Variants in AMPD3 observed in about 807,000 individuals in gnomAD.
The protein encoded by AMPD3 is adenosine monophosphate deaminase 3, also known as AMP deaminase 3.
AMPD3 carries 57 observed loss-of-function variants against 82.3 expected under a neutral mutation model. The ratio of observed to expected loss-of-function variants is 0.69; its 90% confidence interval spans 0.56 to 0.86. The LOEUF (loss-of-function observed/expected upper bound fraction) is 0.86, where lower values mean the gene tolerates loss of function less well. Among genes scored for constraint, AMPD3 ranks in the 40% least tolerant of loss-of-function variants. AMPD3 has a pLI of 0.00. For synonymous variants in AMPD3, 381 were observed against 394.7 expected (o/e 0.97, Z 0.41); for missense variants, 870 against 1,003.8 (o/e 0.87, Z 1.80).
At chr11:10,486,434 A>G (rs11042846) in intron 5 of AMPD3, among the ~76,000 whole-genome samples, 43,388 of 152,074 alleles carry the variant, frequency 0.29, 6,466 homozygotes, top group South Asian at 0.43. Context: ...CTAGGCACCT[A>G]GGCTGTGTGT....
intron 11 of AMPD3, 86 bp from the exon 12 acceptor site, chr11:10,501,384 G>A (rs1255697234): frequency 3.8e-5 from 59 of 1,570,488 alleles, no homozygotes; most frequent in Admixed American, 8.8e-5. Context: ...CATTCCCCCC[G>A]GAGCTGGCCC....
chr11:10,486,452 C>T, intron 5 of AMPD3: 1 of 583,254 alleles, frequency 1.7e-6, no homozygotes, highest in Non-Finnish European at 2.2e-6. Flanking sequence ...TGTGGGCTGG[C>T]AGTTGGCCAC....
chr11:10,503,891 T>C (rs530427510), intron 13 of AMPD3: 1 of 922,134 alleles, frequency 1.1e-6, no homozygotes, highest in Non-Finnish European at 1.3e-6. Flanking sequence ...CCCTCAGGGG[T>C]CCTTGACCTG....
intron 6 of AMPD3, among the ~76,000 whole-genome samples, chr11:10,489,577 G>A (rs1849180354): frequency 6.6e-6 from 1 of 152,160 alleles, no homozygotes; most frequent in Non-Finnish European, 1.5e-5. Context: ...TGACCCAGTG[G>A]CCTGTTCTTA....
intron 11 of AMPD3, chr11:10,500,458 C>T: frequency 7.1e-6 from 4 of 564,134 alleles, no homozygotes; most frequent in Non-Finnish European, 6.7e-6. Flanking sequence ...CACATGCAAA[C>T]ATGCCCACCA....
chr11:10,486,854 G>A, intron 5 of AMPD3: 1 of 985,428 alleles, frequency 1.0e-6, no homozygotes, highest in Non-Finnish European at 1.2e-6. Context: ...CATCCACTCT[G>A]CTTGGACTCA....
chr11:10,488,114 C>T (rs952957544), intron 6 of AMPD3: 9 of 669,012 alleles, frequency 1.3e-5, no homozygotes, highest in East Asian at 2.7e-4. Flanking sequence ...ATCTCTGCCT[C>T]TCTTCTCCCA....
At chr11:10,475,780 G>A (rs1047636605) in intron 2 of AMPD3, among the ~76,000 whole-genome samples, 9 of 152,174 alleles carry the variant, frequency 5.9e-5, no homozygotes, top group Admixed American at 3.9e-4. Context: ...GATGAAGGGG[G>A]CTATGTGCAG....
chr11:10,487,289 T>C lies in AMPD3; in HGVS notation c.864T>C (p.His288=), dbSNP rs773902374. 36 of 1,592,792 alleles carry C rather than the reference T, an allele frequency of 2.3e-5. No individual in the cohort carries two copies. In the South Asian group the frequency reaches 3.6e-4, roughly 16 times the overall value. The change falls in exon 6 of 15, where the codon CAT becomes CAC. Residue 288 remains histidine (H), a synonymous_variant. Transcript: ENST00000396553. ...TTCTGGAATCCAAGTTCAGCCTTCA[T>C]GAGATGTTAAACGAAATGTCCGAGT... ...LNFLESKFSL[H]EMLNEMSEFK... is the part of the protein sequence containing the mutation.
upstream of AMPD3, among the ~76,000 whole-genome samples, chr11:10,453,665 T>C (rs1848015813): frequency 6.6e-6 from 1 of 152,074 alleles, no homozygotes; most frequent in South Asian, 2.1e-4. Context: ...GTCAGCTCAC[T>C]GCAACTTCTG....
intron 5 of AMPD3, 169 bp from the exon 6 acceptor site, chr11:10,487,066 A>G (rs1163376515): frequency 1.0e-6 from 1 of 966,138 alleles, no homozygotes; most frequent in Non-Finnish European, 1.2e-6. Flanking sequence ...GAGTCTGTGG[A>G]TATGACTCAA....
intron 11 of AMPD3, chr11:10,500,798 A>G (rs1849557941): frequency 1.0e-6 from 1 of 985,292 alleles, no homozygotes; most frequent in Admixed American, 6.1e-5. Context: ...ACCAATACGC[A>G]CACAGACGAG....
chr11:10,465,643 G>C (rs1250792294), intron 2 of AMPD3, among the ~76,000 whole-genome samples: 1 of 152,176 alleles, frequency 6.6e-6, no homozygotes, highest in African/African-American at 2.4e-5. Context: ...CCCAAGGGAA[G>C]CCTTGAGGGA....
chr11:10,481,765 G>A, intron 3 of AMPD3: 1 of 444,032 alleles, frequency 2.3e-6, no homozygotes, highest in Non-Finnish European at 4.2e-6. Flanking sequence ...TGTTTACCAG[G>A]GAAGCTCATT....
Position 10,482,066 on chromosome 11 carries a change from A to C in AMPD3, c.430A>C (p.Thr144Pro). ...TISGDYCAGI[T>P]LEDYEQAAKS... Reference sequence around the variant, plus strand: ...CCTGCCTGCCTCCCTTCTGCAGATCACTTTGGAGGACTATGAGCAGGCAGC... The same window carrying C: ...CCTGCCTGCCTCCCTTCTGCAGATCCCTTTGGAGGACTATGAGCAGGCAGC... Residue 144 changes from threonine (T) to proline (P), a missense_variant, in exon 4 of 15, where the codon ACT becomes CCT. Transcript: ENST00000396553. The C allele has an allele frequency of 6.2e-7, 1 of 1,614,158 alleles. No individual in the cohort carries two copies. The highest frequency in any genetic ancestry group is 1.7e-4 in the Middle Eastern group (1 of 6,056).
In AMPD3 at chr11:10,469,957, G is replaced by A. The variant is rs12287821; in HGVS notation, c.221+8217G>A. On this transcript the variant is annotated intron_variant, in intron 2 of 14. Coordinates refer to ENST00000396553, the MANE Select transcript of AMPD3 (RefSeq NM_001025389.2). ...TGGGAGGCTGAGGCAGGAGAATGGC[G>A]TGAACCCGGGAGGCGGAGCTTGCAG... Among the ~76,000 whole-genome samples the A allele has an allele frequency of 6.9e-3, 1,043 of 150,640 alleles. 8 individuals are homozygous for A. Among genetic ancestry groups the A allele is most frequent in the African/African-American group, 0.022 (920 of 41,006 alleles).
At chr11:10,480,002 G>A (rs1337218837) in intron 3 of AMPD3, 7 of 982,484 alleles carry the variant, frequency 7.1e-6, no homozygotes, top group Non-Finnish European at 8.5e-6. Context: ...AGCAAGAGTC[G>A]AGGTGGGTCG....
chr11:10,460,287 T>G (rs1848229375), intron 1 of AMPD3, among the ~76,000 whole-genome samples: 1 of 150,770 alleles, frequency 6.6e-6, no homozygotes. Flanking sequence ...TTTTTAGGGA[T>G]GAGGTTTTGC....
chr11:10,467,517 G>A (rs1229364484), intron 2 of AMPD3, among the ~76,000 whole-genome samples: 1 of 152,208 alleles, frequency 6.6e-6, no homozygotes, highest in African/African-American at 2.4e-5. Flanking sequence ...ATGGGACTAT[G>A]TGCAAAGACC....
Sources: gnomAD v4.1 joint callset for allele counts (sites outside exome capture counted in the v4.1 genomes callset) on GRCh38, gnomAD v4.1.1 for gene constraint, MANE v1.5 for transcripts, NCBI Gene and HGNC (gene_info 2026-07-23, HGNC 2026-07-21) for gene names.